SNX29: variants seen among roughly 807,000 people sequenced by gnomAD.
The protein encoded by SNX29 is sorting nexin-29.
Under a neutral mutation model 102.1 loss-of-function variants are expected in SNX29, and 78 were observed. The observed-to-expected ratio is 0.76, with a 90% CI of 0.64 to 0.92. The LOEUF (loss-of-function observed/expected upper bound fraction) is 0.92. Among genes scored for constraint, SNX29 ranks in the 40% least tolerant of loss-of-function variants. The pLI is 0.00. For synonymous variants in SNX29, 580 were observed against 414.5 expected (o/e 1.40, Z -4.85); for missense variants, 1,280 against 1,061.7 (o/e 1.21, Z -2.86).
intron 15 of SNX29, among the ~76,000 whole-genome samples, chr16:12,303,503 A>C (rs1014206133): frequency 3.3e-5 from 5 of 152,224 alleles, no homozygotes; most frequent in African/African-American, 1.2e-4. Flanking sequence ...ACACATTCGT[A>C]AGAATATGAG....
intron 14 of SNX29, among the ~76,000 whole-genome samples, chr16:12,257,769 C>T (rs1217193202): frequency 1.3e-5 from 2 of 150,312 alleles, no homozygotes; most frequent in African/African-American, 2.5e-5. Flanking sequence ...CTCAAGTAGT[C>T]CTCCCACCTC....
At chr16:12,532,861 T>A (rs373912447) in intron 20 of SNX29, among the ~76,000 whole-genome samples, 1 of 152,096 alleles carries the variant, frequency 6.6e-6, no homozygotes, top group Non-Finnish European at 1.5e-5. Context: ...AGAGAAGCCT[T>A]CCCCTGCGTG....
At chr16:12,536,202 G>C (rs905572366) in intron 20 of SNX29, among the ~76,000 whole-genome samples, 2 of 152,112 alleles carry the variant, frequency 1.3e-5, no homozygotes, top group Admixed American at 6.5e-5. Flanking sequence ...AGGAGGTTAC[G>C]GCTTGCTGAG....
chr16:12,079,011 G>A, intron 11 of SNX29, 96 bp downstream of exon 11: 2 of 1,079,344 alleles, frequency 1.9e-6, no homozygotes, highest in Non-Finnish European at 1.3e-6. Context: ...GTGACTGTGG[G>A]TTCACGTCAG....
At chr16:12,535,696 G>T (rs1367233949) in intron 20 of SNX29, among the ~76,000 whole-genome samples, 1 of 152,120 alleles carries the variant, frequency 6.6e-6, no homozygotes, top group Non-Finnish European at 1.5e-5. Context: ...CATTGTAACT[G>T]TGGGTCCTCT....
chr16:12,219,647 CAT>C (rs1248764974), intron 14 of SNX29, among the ~76,000 whole-genome samples: 3 of 152,180 alleles, frequency 2.0e-5, no homozygotes. Flanking sequence ...AATGTATAAA[CAT>C]GTTTTCTCTT....
chr16:12,125,459 G>T (rs186969847), intron 11 of SNX29, among the ~76,000 whole-genome samples: 171 of 152,140 alleles, frequency 1.1e-3, no homozygotes, highest in Non-Finnish European at 2.0e-3. Context: ...GGAGATGCAC[G>T]GTGTATGGGA....
intron 13 of SNX29, among the ~76,000 whole-genome samples, chr16:12,165,839 C>T (rs1434719179): frequency 6.6e-6 from 1 of 152,248 alleles, no homozygotes; most frequent in East Asian, 1.9e-4. Flanking sequence ...GTTGGGATTA[C>T]TGGCGTGAGC....
intron 14 of SNX29, among the ~76,000 whole-genome samples, chr16:12,231,575 T>C (rs533949433): frequency 4.5e-4 from 69 of 152,354 alleles, no homozygotes; most frequent in African/African-American, 1.6e-3. Context: ...AAACTTTTAC[T>C]ATACTGTAAA....
At chr16:12,521,388 G>T (rs553645377) in intron 19 of SNX29, among the ~76,000 whole-genome samples, 4 of 152,088 alleles carry the variant, frequency 2.6e-5, no homozygotes, top group African/African-American at 9.6e-5. Flanking sequence ...GATTTCTCCA[G>T]GGGCCTCTGG....
At chr16:11,979,164 A>G (rs1388233167) in intron 1 of SNX29, among the ~76,000 whole-genome samples, 1 of 145,540 alleles carries the variant, frequency 6.9e-6, no homozygotes, top group Non-Finnish European at 1.5e-5. Flanking sequence ...AATCGCAGCT[A>G]CTCGGGAGGC....
chr16:12,027,013 C>T (rs115878851), intron 3 of SNX29, among the ~76,000 whole-genome samples: 1,994 of 152,242 alleles, frequency 0.013, 31 homozygotes, highest in African/African-American at 0.045. Context: ...AACTTTTCCC[C>T]CCTCTGCACC....
chr16:12,013,772 G>C (rs2056757841), intron 3 of SNX29, among the ~76,000 whole-genome samples: 1 of 150,998 alleles, frequency 6.6e-6, no homozygotes, highest in African/African-American at 2.4e-5. Context: ...AGCCTCCCGA[G>C]TAGCTGGGAT....
At position 12,262,038 on chromosome 16, in the gene SNX29, G is replaced by A. The variant is rs370775247; in HGVS notation, c.1679-15895G>A. The stretch of plus-strand genomic sequence containing the variant: ...TTGCTGAGCTCGGGTCTGTGTGCAC[G>A]TCCCCGGCTGGAGTGAGTGTTTGCT... On this transcript the variant is annotated intron_variant, in intron 14 of 20. Transcript: ENST00000566228. 1.3e-4 allele frequency among the ~76,000 whole-genome samples: 18 copies of A among 141,840 alleles called. No individual in the cohort carries two copies. The East Asian group carries it at 1.3e-3, about 10-fold the overall frequency. The allele number at this position is 141,840 out of a possible 152,430, so 93.1% of individuals were successfully genotyped here.
At chr16:12,498,717 C>G (rs538377586) in intron 19 of SNX29, among the ~76,000 whole-genome samples, 8 of 152,352 alleles carry the variant, frequency 5.3e-5, no homozygotes, top group Admixed American at 3.9e-4. Flanking sequence ...AGATTCAACT[C>G]TACATCTGTC....
intron 18 of SNX29, among the ~76,000 whole-genome samples, chr16:12,404,707 C>G (rs565690781): frequency 6.6e-6 from 1 of 152,114 alleles, no homozygotes. Context: ...AAAGCGGAAT[C>G]CCTGGTTTAA....
At chr16:12,377,944 C>G (rs1362180409) in intron 16 of SNX29, among the ~76,000 whole-genome samples, 3 of 152,156 alleles carry the variant, frequency 2.0e-5, no homozygotes, top group Admixed American at 6.5e-5. Context: ...GTTAGGAAAT[C>G]TTACAAATAA....
At chr16:12,370,833 C>G (rs1169962346) in intron 16 of SNX29, among the ~76,000 whole-genome samples, 5 of 152,194 alleles carry the variant, frequency 3.3e-5, no homozygotes, top group Non-Finnish European at 7.3e-5. Context: ...TTCTGGGCGA[C>G]CAGCACGTTA....
chr16:12,070,527 A>G (rs960462817), intron 10 of SNX29, among the ~76,000 whole-genome samples: 1 of 151,534 alleles, frequency 6.6e-6, no homozygotes, highest in South Asian at 2.1e-4. Context: ...TTATGGCTGC[A>G]TAGTATTCCA....
Sources: gnomAD v4.1 joint callset for allele counts (sites outside exome capture counted in the v4.1 genomes callset) on GRCh38, gnomAD v4.1.1 for gene constraint, MANE v1.5 for transcripts, NCBI Gene and HGNC (gene_info 2026-07-23, HGNC 2026-07-21) for gene names.